MICAL2: variants seen among roughly 807,000 people sequenced by gnomAD.
The protein encoded by MICAL2 is microtubule associated monooxygenase, calponin and LIM domain containing 2.
A neutral mutation model predicts 127.3 loss-of-function variants in MICAL2; 77 were observed. That is an observed-to-expected ratio of 0.60 (90% confidence interval 0.50 to 0.73). MICAL2 has a LOEUF of 0.73. Among genes scored for constraint, MICAL2 ranks in the 30% least tolerant of loss-of-function variants. MICAL2 has a pLI of 0.00. For synonymous variants in MICAL2, 570 were observed against 551.1 expected (o/e 1.03, Z -0.48); for missense variants, 1,351 against 1,434.4 (o/e 0.94, Z 0.94).
chr11:12,265,717 A>G (rs1863602211), downstream of MICAL2, among the ~76,000 whole-genome samples: 1 of 152,252 alleles, frequency 6.6e-6, no homozygotes, highest in Non-Finnish European at 1.5e-5. Flanking sequence ...AAGGCTATGA[A>G]CAGGCAATTT....
At chr11:12,344,108 C>T (rs1166973301) in intron 32 of MICAL2, among the ~76,000 whole-genome samples, 2 of 152,096 alleles carry the variant, frequency 1.3e-5, no homozygotes, top group Non-Finnish European at 2.9e-5. Context: ...CCAGCCTGGG[C>T]AACATAGCGA....
intron 30 of MICAL2, chr11:12,323,874 G>T: frequency 7.8e-7 from 1 of 1,276,056 alleles, no homozygotes; most frequent in South Asian, 1.6e-5. Flanking sequence ...GTAAGCAGTG[G>T]CTGGGAATCA....
chr11:12,131,400 C>G (rs994660228), intron 1 of MICAL2, among the ~76,000 whole-genome samples: 1 of 152,178 alleles, frequency 6.6e-6, no homozygotes, highest in African/African-American at 2.4e-5. Flanking sequence ...CCTTCTCATC[C>G]TCCAAGCTGG....
chr11:12,129,577 G>A (rs1267152376), intron 1 of MICAL2, among the ~76,000 whole-genome samples: 1 of 150,852 alleles, frequency 6.6e-6, no homozygotes, highest in East Asian at 1.9e-4. Context: ...GGACTGGGAG[G>A]AGGTCATGTG....
Position 12,224,663 on chromosome 11 carries a change from C to T in MICAL2, c.1541-10C>T. ...GCAGAGCCTCACTGCCTGCGCTCTC[C>T]TTCTTGCAGAGTCAGATATCCGGCC... On this transcript the variant is annotated splice_polypyrimidine_tract_variant and intron_variant, in intron 12 of 27. Transcript: ENST00000683283. 1 of 1,612,664 alleles carries T rather than the reference C, an allele frequency of 6.2e-7. No homozygotes were observed. The highest frequency in any genetic ancestry group is 8.5e-7 in the Non-Finnish European group (1 of 1,178,796).
intron 32 of MICAL2, among the ~76,000 whole-genome samples, chr11:12,339,083 C>A (rs982792485): frequency 3.9e-5 from 6 of 152,222 alleles, no homozygotes; most frequent in African/African-American, 1.4e-4. Context: ...CCATCACTTT[C>A]AGGTACACCA....
At chr11:12,190,695 T>G (rs996157973) in intron 3 of MICAL2, among the ~76,000 whole-genome samples, 1 of 152,244 alleles carries the variant, frequency 6.6e-6, no homozygotes, top group Non-Finnish European at 1.5e-5. Flanking sequence ...GTGTTCACAC[T>G]AAATTGTCAC....
chr11:12,262,806 T>G (rs1183970356), intron 27 of MICAL2: 1 of 398,756 alleles, frequency 2.5e-6, no homozygotes, highest in East Asian at 4.2e-5. Context: ...TCTGCCTGCG[T>G]GCATGCTTCT....
At chr11:12,301,012 A>C (rs1268747605) in intron 29 of MICAL2, among the ~76,000 whole-genome samples, 2 of 152,218 alleles carry the variant, frequency 1.3e-5, no homozygotes, top group East Asian at 1.9e-4. Flanking sequence ...TGGACTTAAC[A>C]GTTCCACATG....
chr11:12,292,328 T>TCA (rs773440615), downstream of MICAL2: 1 of 1,611,840 alleles, frequency 6.2e-7, no homozygotes, highest in Non-Finnish European at 8.5e-7. Context: ...TGCCCAGGTG[T>TCA]CAGGAAGCTA....
exon 3 of MICAL2, chr11:12,287,102 C>G (rs1318203809): frequency 5.8e-5 from 23 of 398,896 alleles, no homozygotes; most frequent in Non-Finnish European, 9.7e-5. Flanking sequence ...CTGCAACGGG[C>G]CAATAGCTTC....
downstream of MICAL2, chr11:12,292,147 G>T: frequency 6.2e-7 from 1 of 1,613,518 alleles, no homozygotes; most frequent in South Asian, 1.1e-5. Flanking sequence ...TGGTAGGTTT[G>T]ACGCCAGTGA....
At chr11:12,360,117 TTTAA>T (rs113860998), downstream of MICAL2, among the ~76,000 whole-genome samples, 3,015 of 21,076 alleles carry the variant, frequency 0.14, 92 homozygotes, top group African/African-American at 0.15. Flanking sequence ...CCTTTTTTTT[TTTAA>T]AAAAAAAATA....
chr11:12,267,144 T>A (rs558750760), downstream of MICAL2, among the ~76,000 whole-genome samples: 15 of 152,224 alleles, frequency 9.9e-5, no homozygotes, highest in Admixed American at 6.5e-4. Flanking sequence ...GCTCTGGAGC[T>A]CCCCTTCCCT....
intron 29 of MICAL2, among the ~76,000 whole-genome samples, chr11:12,301,209 G>T (rs985437642): frequency 1.3e-5 from 2 of 152,128 alleles, no homozygotes; most frequent in East Asian, 3.8e-4. Context: ...CCCATCCCTG[G>T]GTCCTTCCCA....
downstream of MICAL2, chr11:12,287,343 C>T (rs147452075): frequency 0.024 from 8,998 of 381,936 alleles, 196 homozygotes; most frequent in Non-Finnish European, 0.027. Flanking sequence ...CTAGAGGGAG[C>T]CTTTTCCAAG....
intron 2 of MICAL2, among the ~76,000 whole-genome samples, chr11:12,151,437 A>G (rs191058683): frequency 1.3e-5 from 2 of 152,280 alleles, no homozygotes; most frequent in East Asian, 3.9e-4. Context: ...GATCCAGGCC[A>G]AATTTGACAT....
At chr11:12,134,653 T>A (rs993366016) in intron 1 of MICAL2, among the ~76,000 whole-genome samples, 15 of 152,308 alleles carry the variant, frequency 9.8e-5, no homozygotes, top group African/African-American at 3.4e-4. Flanking sequence ...CTGTTATTAC[T>A]TGGGAGTTTT....
At chr11:12,321,360 T>G (rs1864293105) in intron 30 of MICAL2, among the ~76,000 whole-genome samples, 1 of 152,110 alleles carries the variant, frequency 6.6e-6, no homozygotes, top group South Asian at 2.1e-4. Context: ...TGCAGGTGTG[T>G]CCCCAGCCAG....
Sources: allele counts gnomAD v4.1 joint callset (sites outside exome capture counted in the v4.1 genomes callset), GRCh38; gene constraint gnomAD v4.1.1; transcripts MANE v1.5; gene names NCBI Gene and HGNC (gene_info 2026-07-23, HGNC 2026-07-21).